VAV3: variants seen among roughly 807,000 people sequenced by gnomAD.
The protein encoded by VAV3 is guanine nucleotide exchange factor VAV3.
In VAV3, 94 loss-of-function variants were observed where a neutral mutation model predicts 131.2. The ratio of observed to expected loss-of-function variants is 0.72; its 90% confidence interval spans 0.61 to 0.85. VAV3 has a LOEUF of 0.85. Among genes scored for constraint, VAV3 ranks in the 40% least tolerant of loss-of-function variants. The pLI is 0.00. For missense variants in VAV3, 939 were observed against 1,002.7 expected, an observed-to-expected ratio of 0.94 and a Z score of 0.86; for synonymous variants, 349 against 342.0, an observed-to-expected ratio of 1.02 and a Z score of -0.22.
chr1:107,709,435 CA>C (rs1321144027), intron 15 of VAV3, among the ~76,000 whole-genome samples: 4 of 151,320 alleles, frequency 2.6e-5, no homozygotes, highest in African/African-American at 7.3e-5. Flanking sequence ...TTTATTAAGC[CA>C]AAAAAAATTA....
intron 19 of VAV3, among the ~76,000 whole-genome samples, chr1:107,645,639 A>T (rs1655683605): frequency 6.6e-6 from 1 of 152,092 alleles, no homozygotes; most frequent in African/African-American, 2.4e-5. Flanking sequence ...GGAAGACAAA[A>T]AATTGCGATT....
intron 20 of VAV3, among the ~76,000 whole-genome samples, chr1:107,626,637 G>A (rs188672620): frequency 5.3e-5 from 8 of 152,114 alleles, no homozygotes; most frequent in African/African-American, 1.4e-4. Flanking sequence ...GATGAACAGC[G>A]GGACACTGGG....
In VAV3 at chr1:107,875,055, T is replaced by C. The variant is rs746954968; in HGVS notation, c.205-38A>G. On this transcript the variant is annotated intron_variant, in intron 1 of 26. Coordinates refer to ENST00000370056, the MANE Select transcript of VAV3 (RefSeq NM_006113.5). ...AAAGAGCTGTTAGCATAAAGTTAAT[T>C]ATTCTGAATGCTATCCACCCTCTGT... is the stretch of plus-strand genomic sequence containing the variant. The C allele has an allele frequency of 3.3e-6, 5 of 1,524,520 alleles. No homozygotes were observed. The South Asian group carries it at 3.4e-5, about 10-fold the overall frequency. The allele number at this position is 1,524,520 out of a possible 1,614,324, so 94.4% of individuals were successfully genotyped here.
intron 1 of VAV3, among the ~76,000 whole-genome samples, chr1:107,923,543 A>T (rs1419368169): frequency 6.6e-6 from 1 of 152,114 alleles, no homozygotes; most frequent in Non-Finnish European, 1.5e-5. Context: ...AGTTTAATTG[A>T]CTCACAGTTC....
intron 12 of VAV3, among the ~76,000 whole-genome samples, chr1:107,753,472 G>A (rs1663864269): frequency 1.0e-5 from 1 of 100,250 alleles, no homozygotes; most frequent in Admixed American, 1.0e-4. Flanking sequence ...GTGTGTGTAT[G>A]TATGTGTGTG....
chr1:107,571,766 T>G lies in VAV3; in HGVS notation c.*1565A>C, dbSNP rs1649276113. 6.6e-6 allele frequency: 1 copy of G among 152,670 alleles called. No individual in the cohort carries two copies. Among genetic ancestry groups the G allele is most frequent in the Non-Finnish European group, 1.5e-5 (1 of 68,042 alleles). 9.5% of individuals were successfully genotyped at this position (152,670 alleles called of 1,614,324 possible). On this transcript the variant is annotated 3_prime_UTR_variant, in exon 27 of 27. Coordinates refer to ENST00000370056, the MANE Select transcript of VAV3 (RefSeq NM_006113.5). ...ATTTTTCTAAAACACAATCACAGTTTACATAATTCTGAGGTAAAGGTCTTG... is the reference window on the plus strand; with the variant it reads ...ATTTTTCTAAAACACAATCACAGTTGACATAATTCTGAGGTAAAGGTCTTG...
At chr1:107,947,250 T>C (rs545926581) in intron 1 of VAV3, among the ~76,000 whole-genome samples, 1 of 152,320 alleles carries the variant, frequency 6.6e-6, no homozygotes, top group South Asian at 2.1e-4. Flanking sequence ...AATCGACAGA[T>C]TCAAATGTGC....
At chr1:107,628,383 T>A (rs1328984704) in intron 20 of VAV3, among the ~76,000 whole-genome samples, 13 of 152,172 alleles carry the variant, frequency 8.5e-5, no homozygotes, top group Non-Finnish European at 7.3e-5. Flanking sequence ...TTACAGAACA[T>A]TCATCACCAT....
intron 20 of VAV3, among the ~76,000 whole-genome samples, chr1:107,627,719 A>C (rs1654132041): frequency 6.6e-6 from 1 of 152,214 alleles, no homozygotes; most frequent in Non-Finnish European, 1.5e-5. Context: ...AATTTGAGGA[A>C]ACAATGTTAA....
At chr1:107,900,491 C>T (rs893695055) in intron 1 of VAV3, among the ~76,000 whole-genome samples, 5 of 152,126 alleles carry the variant, frequency 3.3e-5, no homozygotes, top group Non-Finnish European at 5.9e-5. Flanking sequence ...AATGTTACAC[C>T]TTATAAAGTC....
At chr1:107,746,203 A>C (rs1663332702) in intron 15 of VAV3, among the ~76,000 whole-genome samples, 1 of 152,218 alleles carries the variant, frequency 6.6e-6, no homozygotes. Flanking sequence ...GGGCTTTCCT[A>C]CATGATGAAC....
chr1:107,719,394 G>A (rs540910921), intron 15 of VAV3, among the ~76,000 whole-genome samples: 10 of 152,230 alleles, frequency 6.6e-5, no homozygotes, highest in African/African-American at 1.7e-4. Context: ...AAAAGTGGTC[G>A]AAGGATATAA....
intron 1 of VAV3, among the ~76,000 whole-genome samples, chr1:107,888,816 G>C (rs1671162691): frequency 6.6e-6 from 1 of 151,986 alleles, no homozygotes; most frequent in South Asian, 2.1e-4. Context: ...CTGTTTCTCT[G>C]TACTAAATTA....
chr1:107,818,714 T>G (rs1667662560), intron 2 of VAV3, among the ~76,000 whole-genome samples: 1 of 152,172 alleles, frequency 6.6e-6, no homozygotes, highest in Admixed American at 6.5e-5. Flanking sequence ...TGTTTAAGAC[T>G]ATATACATAA....
intron 1 of VAV3, among the ~76,000 whole-genome samples, chr1:107,952,572 A>T (rs1474519445): frequency 6.6e-6 from 1 of 151,132 alleles, no homozygotes; most frequent in Non-Finnish European, 1.5e-5. Context: ...ATTTTGTGAC[A>T]TTAGTGGTAT....
chr1:107,918,524 G>A (rs928521195), intron 1 of VAV3, among the ~76,000 whole-genome samples: 24 of 151,862 alleles, frequency 1.6e-4, no homozygotes, highest in Non-Finnish European at 3.1e-4. Context: ...TGATGAAAGA[G>A]GCCAAAGAAA....
At chr1:107,918,898 G>T (rs556173938) in intron 1 of VAV3, among the ~76,000 whole-genome samples, 3 of 151,568 alleles carry the variant, frequency 2.0e-5, no homozygotes, top group Non-Finnish European at 4.4e-5. Context: ...GTAGAGACAG[G>T]GTTTCACCAT....
intron 19 of VAV3, among the ~76,000 whole-genome samples, chr1:107,645,538 T>C (rs1338287597): frequency 1.3e-5 from 2 of 152,074 alleles, no homozygotes; most frequent in East Asian, 1.9e-4. Context: ...GTGGGATAAA[T>C]GGTTGCTATC....
intron 20 of VAV3, among the ~76,000 whole-genome samples, chr1:107,632,018 G>C (rs1654536292): frequency 6.6e-6 from 1 of 152,094 alleles, no homozygotes; most frequent in Non-Finnish European, 1.5e-5. Flanking sequence ...GGGTCAAATG[G>C]TATTTCTAGT....
Sources: allele counts gnomAD v4.1 joint callset (sites outside exome capture counted in the v4.1 genomes callset), GRCh38; gene constraint gnomAD v4.1.1; transcripts MANE v1.5; gene names NCBI Gene and HGNC (gene_info 2026-07-23, HGNC 2026-07-21).